GFRA1: variants seen among roughly 807,000 people sequenced by gnomAD.
The protein encoded by GFRA1 is GDNF family receptor alpha-1.
In GFRA1, 16 loss-of-function variants were observed where a neutral mutation model predicts 51.6. The observed-to-expected ratio is 0.31, with a 90% CI of 0.21 to 0.47. The LOEUF is 0.47. GFRA1 is among the 20% of genes least tolerant of loss of function. The probability of loss-of-function intolerance (pLI) is 1.00; values close to 1 mark genes in which losing one functional copy is unlikely to be tolerated. For synonymous variants in GFRA1, 270 were observed against 241.3 expected (o/e 1.12, Z -1.10); for missense variants, 530 against 594.3 (o/e 0.89, Z 1.13).
At chr10:116,088,654 C>T (rs1478469636) in intron 9 of GFRA1, among the ~76,000 whole-genome samples, 1 of 152,096 alleles carries the variant, frequency 6.6e-6, no homozygotes, top group Non-Finnish European at 1.5e-5. Context: ...GGCGCGGTGG[C>T]ACAAGCCTGT....
At chr10:116,105,985 C>A in intron 6 of GFRA1, among the ~76,000 whole-genome samples, 1 of 152,112 alleles carries the variant, frequency 6.6e-6, no homozygotes, top group Admixed American at 6.5e-5. Context: ...CCCGGATTTT[C>A]CCGGTAGGAC....
chr10:116,230,719 CA>C (rs1195507498), intron 4 of GFRA1, among the ~76,000 whole-genome samples: 5 of 8,140 alleles, frequency 6.1e-4, no homozygotes, highest in East Asian at 6.8e-3. Context: ...TGGACAGACA[CA>C]CACACACACA....
chr10:116,116,692 G>T (rs924234917), intron 6 of GFRA1, among the ~76,000 whole-genome samples: 1 of 152,194 alleles, frequency 6.6e-6, no homozygotes, highest in Non-Finnish European at 1.5e-5. Context: ...TTGTAGAAAC[G>T]ACTCTTTTGA....
At chr10:116,071,876 T>TATTG (rs1955411048) in intron 9 of GFRA1, among the ~76,000 whole-genome samples, 1 of 152,162 alleles carries the variant, frequency 6.6e-6, no homozygotes, top group African/African-American at 2.4e-5. Context: ...TTAAAGAGTC[T>TATTG]ATTGATTGGA....
intron 4 of GFRA1, among the ~76,000 whole-genome samples, chr10:116,243,267 A>G (rs1967550454): frequency 6.6e-6 from 1 of 152,230 alleles, no homozygotes; most frequent in South Asian, 2.1e-4. Context: ...CCATGCTGAA[A>G]GAAATGAAGT....
chr10:116,237,042 C>A (rs914409119), intron 4 of GFRA1, among the ~76,000 whole-genome samples: 7 of 152,192 alleles, frequency 4.6e-5, no homozygotes, highest in African/African-American at 1.7e-4. Flanking sequence ...TATGTATATG[C>A]ACTACATGTA....
At chr10:116,097,520 A>G (rs1956650455) in intron 6 of GFRA1, among the ~76,000 whole-genome samples, 1 of 152,176 alleles carries the variant, frequency 6.6e-6, no homozygotes, top group South Asian at 2.1e-4. Flanking sequence ...GCAGCAGCCC[A>G]GAAGGGGACA....
At chr10:116,267,411 C>T (rs529685567) in intron 4 of GFRA1, among the ~76,000 whole-genome samples, 9 of 151,820 alleles carry the variant, frequency 5.9e-5, no homozygotes, top group South Asian at 4.2e-4. Context: ...GGTAGCATTG[C>T]GCCGAGATCA....
chr10:116,064,419 TA>T lies in GFRA1; in HGVS notation c.1376del (p.Leu459TyrfsTer3). Reference protein sequence around the residue: ...VLVVTALSTLLSLTETS With the variant: ...VLVVTALSTLXSLTETS ...GCAGCTATGATGTTTCTGTTAAAGA[TA>T]ATAGGGTGGACAGAGCGGTTACCAC... On this transcript the variant is annotated frameshift_variant, in exon 11 of 11. Transcript: ENST00000355422. LOFTEE classifies it high-confidence loss of function. 1.2e-6 allele frequency: 2 copies of T among 1,612,930 alleles called. No individual in the cohort carries two copies. Among genetic ancestry groups the T allele is most frequent in the Non-Finnish European group, 1.7e-6 (2 of 1,179,862 alleles).
At chr10:116,174,231 T>C (rs538495471) in intron 5 of GFRA1, among the ~76,000 whole-genome samples, 3 of 152,174 alleles carry the variant, frequency 2.0e-5, no homozygotes, top group Admixed American at 6.5e-5. Flanking sequence ...GATTCCAGTA[T>C]ATTTTTGGTC....
intron 5 of GFRA1, among the ~76,000 whole-genome samples, chr10:116,143,649 T>C (rs1958669020): frequency 3.0e-5 from 2 of 65,756 alleles, no homozygotes; most frequent in African/African-American, 1.6e-4. Context: ...TGTCCTAGTT[T>C]CATTCATTCT....
chr10:116,193,843 G>A (rs1166391243), intron 5 of GFRA1, among the ~76,000 whole-genome samples: 2 of 151,974 alleles, frequency 1.3e-5, no homozygotes, highest in East Asian at 1.9e-4. Context: ...GGATCATGAG[G>A]TCAGGAGATG....
intron 4 of GFRA1, among the ~76,000 whole-genome samples, chr10:116,252,480 T>C (rs1415016610): frequency 6.6e-6 from 1 of 152,100 alleles, no homozygotes; most frequent in Admixed American, 6.5e-5. Context: ...CCAAGTGAGG[T>C]ATACAGCTGG....
intron 4 of GFRA1, among the ~76,000 whole-genome samples, chr10:116,258,009 A>G (rs992506703): frequency 1.3e-5 from 2 of 152,124 alleles, no homozygotes; most frequent in Admixed American, 1.3e-4. Flanking sequence ...CCAGCTTAAA[A>G]GTCCCCTTTT....
At chr10:116,203,680 G>A (rs535178753) in intron 5 of GFRA1, among the ~76,000 whole-genome samples, 1 of 152,154 alleles carries the variant, frequency 6.6e-6, no homozygotes. Context: ...AATCTAGCCC[G>A]AGGACAAACT....
At chr10:116,144,459 C>T (rs537973109) in intron 5 of GFRA1, among the ~76,000 whole-genome samples, 55 of 151,802 alleles carry the variant, frequency 3.6e-4, no homozygotes, top group Admixed American at 3.4e-3. Flanking sequence ...ATGAGGAATA[C>T]GAGATAATGT....
At chr10:116,102,232 G>T (rs2694782) in intron 6 of GFRA1, among the ~76,000 whole-genome samples, 25,891 of 152,138 alleles carry the variant, frequency 0.17, 2,239 homozygotes, top group East Asian at 0.21. Context: ...CTCTGGGATT[G>T]TATTACAGTC....
chr10:116,120,864 C>G (rs1404288876), intron 6 of GFRA1, among the ~76,000 whole-genome samples: 2 of 152,204 alleles, frequency 1.3e-5, no homozygotes, highest in African/African-American at 4.8e-5. Context: ...CACTAAACCA[C>G]CAAGCACACC....
chr10:116,153,567 C>T (rs1959140597), intron 5 of GFRA1, among the ~76,000 whole-genome samples: 2 of 152,160 alleles, frequency 1.3e-5, no homozygotes, highest in African/African-American at 2.4e-5. Flanking sequence ...GGCTAGCTTC[C>T]ATTTATTTGA....
Sources: allele counts gnomAD v4.1 joint callset (sites outside exome capture counted in the v4.1 genomes callset), GRCh38; gene constraint gnomAD v4.1.1; transcripts MANE v1.5; gene names NCBI Gene and HGNC (gene_info 2026-07-23, HGNC 2026-07-21).